The following SYTL4 variants were observed in gnomAD, a reference collection of about 807,000 sequenced individuals.
SYTL4 encodes the protein synaptotagmin-like protein 4.
A neutral mutation model predicts 52.7 loss-of-function variants in SYTL4; 16 were observed. The observed-to-expected ratio is 0.30, with a 90% CI of 0.21 to 0.46. The LOEUF (loss-of-function observed/expected upper bound fraction) is 0.46, where lower values mean the gene tolerates loss of function less well. Ranked by LOEUF, SYTL4 falls within the 20% of genes least tolerant of loss-of-function variation. The pLI is 1.00. For missense variants in SYTL4, 423 were observed against 519.9 expected, an observed-to-expected ratio of 0.81 and a Z score of 1.81; for synonymous variants, 160 against 186.6, an observed-to-expected ratio of 0.86 and a Z score of 1.16.
At position 100,689,872 on chromosome X, in the gene SYTL4, C is replaced by G. The variant is rs941097311; in HGVS notation, c.896G>C (p.Gly299Ala). The change falls in exon 12 of 20, where the codon GGC becomes GCC. Residue 299 changes from glycine (G) to alanine (A), a missense_variant. Transcript: ENST00000372989. The stretch of plus-strand genomic sequence containing the variant: ...GGCACCTACCATATCCACATTGAGG[C>G]CTGGGACGGATTTGCTTCTGTCTCC... ...SLGDRSKSVP[G>A]LNVDMEEEEE... The G allele has an allele frequency of 2.5e-6, 3 of 1,203,182 alleles. No homozygotes were observed. Among genetic ancestry groups the G allele is most frequent in the Non-Finnish European group, 3.4e-6 (3 of 888,437 alleles).
At chrX:100,698,251 T>A (rs772337412) in intron 8 of SYTL4, among the ~76,000 whole-genome samples, 1 of 108,422 alleles carries the variant, frequency 9.2e-6, no homozygotes, top group East Asian at 3.3e-4. Context: ...TACAGGCGCC[T>A]GCCACCACGC....
intron 2 of SYTL4, among the ~76,000 whole-genome samples, chrX:100,728,590 T>C (rs749717537): frequency 1.3e-4 from 14 of 111,979 alleles, no homozygotes; most frequent in Non-Finnish European, 2.4e-4. Context: ...CAGCCTCTTA[T>C]TGATCTTGCG....
intron 2 of SYTL4, among the ~76,000 whole-genome samples, chrX:100,723,744 G>GA (rs1275416704): frequency 3.7e-5 from 4 of 108,705 alleles, no homozygotes; most frequent in Non-Finnish European, 7.7e-5. Flanking sequence ...CCCCGTCTGA[G>GA]AAGTGAGGAG....
At chrX:100,683,626 G>GAAAAAAC (rs2083423115) in intron 16 of SYTL4, among the ~76,000 whole-genome samples, 1 of 111,240 alleles carries the variant, frequency 9.0e-6, no homozygotes, top group Non-Finnish European at 1.9e-5. Context: ...GATTGCTAGG[G>GAAAAAAC]AAAAAACAAA....
chrX:100,686,232 A>G, intron 15 of SYTL4, 81 bp from the exon 16 acceptor site: 1 of 983,954 alleles, frequency 1.0e-6, no homozygotes, highest in Non-Finnish European at 1.4e-6. Flanking sequence ...CTGAGCAACC[A>G]TTCCTGAAGT....
intron 12 of SYTL4, among the ~76,000 whole-genome samples, chrX:100,689,599 A>G (rs777630689): frequency 2.3e-5 from 2 of 87,223 alleles, no homozygotes; most frequent in Admixed American, 3.4e-4. Context: ...AGATCGTGCC[A>G]TTGCACTCCA....
rs2083249447 is a variant in SYTL4, at chrX:100,674,656, T to G, written c.*1372A>C. 1 of 111,778 alleles carries G rather than the reference T, an allele frequency of 8.9e-6. No homozygotes were observed. The highest frequency in any genetic ancestry group is 3.3e-5 in the African/African-American group (1 of 30,695). The allele number at this position is 111,778 out of a possible 1,213,427, so 9.2% of individuals were successfully genotyped here. A position where few individuals can be genotyped will look rare whatever the true frequency, so the allele number is the denominator to read the frequency against. ...TCCTCCATTCGGTTCATACATACAG[T>G]AGAAACCACTGTGGCTGCCCTTAAT... On this transcript the variant is annotated 3_prime_UTR_variant, in exon 20 of 20. Transcript: ENST00000372989.
chrX:100,701,469 G>A lies in SYTL4; in HGVS notation c.315C>T (p.Cys105=), dbSNP rs772030691. ...TAGGTGACACTCACATTTCCTTGGC[G>A]CACACCTTGCACCTCCAGGTACCAT... ...ESNGTWRCKV[C]AKEIELKKAT... Residue 105 remains cysteine, a synonymous_variant, in exon 6 of 20, where the codon TGC becomes TGT. Transcript: ENST00000372989. 6 of 1,210,434 alleles carry A rather than the reference G, an allele frequency of 5.0e-6. No individual in the cohort carries two copies. Among genetic ancestry groups the A allele is most frequent in the Admixed American group, 4.3e-5 (2 of 46,044 alleles).
chrX:100,687,264 C>T lies in SYTL4; in HGVS notation c.1006-19G>A, dbSNP rs373910043. 4.2e-6 allele frequency: 5 copies of T among 1,196,799 alleles called. No individual in the cohort carries two copies. Among genetic ancestry groups the T allele is most frequent in the South Asian group, 1.8e-5 (1 of 55,158 alleles). On this transcript the variant is annotated intron_variant, in intron 13 of 19. Transcript: ENST00000372989. ...TCGTACTCTGAAGATAAAGCACCCA[C>T]GAACATCTGGGGAAGGCACACTCCC...
rs2084658681 is a variant in SYTL4, at chrX:100,731,997, G to A, written c.-328+7C>T. The A allele has an allele frequency of 8.9e-6, 1 of 111,820 alleles. No homozygotes were observed. Among genetic ancestry groups the A allele is most frequent in the Non-Finnish European group, 1.9e-5 (1 of 53,033 alleles). The allele number at this position is 111,820 out of a possible 1,213,427, so 9.2% of individuals were successfully genotyped here. A position where few individuals can be genotyped will look rare whatever the true frequency, so the allele number is the denominator to read the frequency against. On this transcript the variant is annotated splice_region_variant and intron_variant, in intron 1 of 19. Transcript: ENST00000372989. Reference sequence around the variant, plus strand: ...GGCGAGGGGCCGGCCGCTGGCTGTTGACCTACCTGTCACTTGCAACAGGTG... The same window carrying A: ...GGCGAGGGGCCGGCCGCTGGCTGTTAACCTACCTGTCACTTGCAACAGGTG...
chrX:100,720,140 A>G (rs1352160360), intron 2 of SYTL4, among the ~76,000 whole-genome samples: 1 of 112,067 alleles, frequency 8.9e-6, no homozygotes, highest in Non-Finnish European at 1.9e-5. Flanking sequence ...TACATATATT[A>G]AAACAAATCC....
At chrX:100,694,805 T>C (rs751396390) in intron 8 of SYTL4, among the ~76,000 whole-genome samples, 11 of 111,814 alleles carry the variant, frequency 9.8e-5, no homozygotes, top group Non-Finnish European at 1.9e-4. Context: ...CCAAAATCTA[T>C]AATGTCTTAG....
At position 100,687,227 on chromosome X, in the gene SYTL4, T is replaced by A. The variant is rs2083491498; in HGVS notation, c.1024A>T (p.Met342Leu). 2.5e-6 allele frequency: 3 copies of A among 1,211,122 alleles called. No individual in the cohort carries two copies. The highest frequency in any genetic ancestry group is 3.4e-6 in the Non-Finnish European group (3 of 895,166). ...GSSMSTIGSM[M>L]SIYSEAGDFG... ...TCACCAGCTTCACTGTAGATGCTCA[T>A]CATGCTGCCGATCGTACTCTGAAGA... is the stretch of plus-strand genomic sequence containing the variant. The change falls in exon 14 of 20, where the codon ATG becomes TTG. Residue 342 changes from methionine to leucine, a missense_variant. Physicochemically the swap from Met to Leu is conservative, Grantham distance 15. Coordinates refer to ENST00000372989, the MANE Select transcript of SYTL4 (RefSeq NM_001370165.1).
intron 2 of SYTL4, among the ~76,000 whole-genome samples, chrX:100,719,731 T>G (rs2084302154): frequency 9.0e-6 from 1 of 111,249 alleles, no homozygotes; most frequent in East Asian, 2.8e-4. Context: ...GTAACTAAAA[T>G]GCCTCTTTTG....
intron 2 of SYTL4, among the ~76,000 whole-genome samples, chrX:100,709,524 C>CT (rs1421769203): frequency 9.0e-6 from 1 of 111,055 alleles, no homozygotes; most frequent in Non-Finnish European, 1.9e-5. Context: ...AAACAAAAAG[C>CT]TTGGAATTGA....
At chrX:100,683,217 G>A (rs1212751349) in intron 16 of SYTL4, among the ~76,000 whole-genome samples, 2 of 101,599 alleles carry the variant, frequency 2.0e-5, no homozygotes, top group Non-Finnish European at 3.9e-5. Flanking sequence ...CGCAATCTCG[G>A]CTCACAGCAA....
rs375227573 is a variant in SYTL4 at position 100,724,178 on chromosome X, G to A, written c.-240+7240C>T. On this transcript the variant is annotated intron_variant, in intron 2 of 19. Transcript: ENST00000372989. Reference sequence around the variant, plus strand: ...AGCCCCCCACACGGCCAGCCGCCCCGTCCGGGAGGGAGGTGGGGGGGTCAT... The same window carrying A: ...AGCCCCCCACACGGCCAGCCGCCCCATCCGGGAGGGAGGTGGGGGGGTCAT... Among the ~76,000 whole-genome samples the A allele has an allele frequency of 9.9e-3, 916 of 92,743 alleles. 22 individuals are homozygous for A. Among genetic ancestry groups the A allele is most frequent in the South Asian group, 0.079 (132 of 1,661 alleles). 80.5% of individuals were successfully genotyped at this position (92,743 alleles called of 115,157 possible). A position where few individuals can be genotyped will look rare whatever the true frequency, so the allele number is the denominator to read the frequency against.
At chrX:100,676,295 G>T in intron 19 of SYTL4, 119 bp from the exon 20 acceptor site, 1 of 750,468 alleles carries the variant, frequency 1.3e-6, no homozygotes, top group Non-Finnish European at 2.0e-6. Context: ...TGGGCTAATG[G>T]CCACAGCAGT....
chrX:100,715,813 C>G (rs2084190564), intron 2 of SYTL4, among the ~76,000 whole-genome samples: 1 of 108,431 alleles, frequency 9.2e-6, no homozygotes, highest in African/African-American at 3.4e-5. Context: ...TGGTATGTGC[C>G]TGTAATCCCA....
Sources: gnomAD v4.1 joint callset for allele counts (sites outside exome capture counted in the v4.1 genomes callset) on GRCh38, gnomAD v4.1.1 for gene constraint, MANE v1.5 for transcripts, NCBI Gene and HGNC (gene_info 2026-07-23, HGNC 2026-07-21) for gene names.